ETV1: variants seen among roughly 807,000 people sequenced by gnomAD.
ETV1 encodes ETS variant transcription factor 1.
A neutral mutation model predicts 62.3 loss-of-function variants in ETV1; 27 were observed. The observed-to-expected ratio is 0.43, with a 90% CI of 0.32 to 0.60. The LOEUF (loss-of-function observed/expected upper bound fraction) is 0.60, where lower values mean the gene tolerates loss of function less well. ETV1 is among the 20% of genes least tolerant of loss of function. The pLI is 0.06. For missense variants in ETV1, 605 were observed against 605.8 expected, an observed-to-expected ratio of 1.00 and a Z score of 0.01; for synonymous variants, 222 against 199.6, an observed-to-expected ratio of 1.11 and a Z score of -0.94.
chr7:13,909,146 A>G (rs562209457), intron 11 of ETV1, among the ~76,000 whole-genome samples: 6 of 152,164 alleles, frequency 3.9e-5, no homozygotes, highest in South Asian at 4.2e-4. Context: ...TAAAAAAAAA[A>G]AAAAAAAGGG....
chr7:13,921,246 G>A lies in ETV1; in HGVS notation c.803-9939C>T, dbSNP rs527519038. ...AGGCCACGGTTTAGCCTTTGGAAGT[G>A]TTACATATCAAGCACAAAAGGCCAA... On this transcript the variant is annotated intron_variant, in intron 9 of 13. Coordinates refer to ENST00000430479, the MANE Select transcript of ETV1 (RefSeq NM_004956.5). 7.6e-4 allele frequency among the ~76,000 whole-genome samples: 116 copies of A among 152,246 alleles called. 1 individual carries two copies. The highest frequency in any genetic ancestry group is 2.7e-3 in the African/African-American group (111 of 41,558).
intron 6 of ETV1, among the ~76,000 whole-genome samples, chr7:13,970,039 G>A (rs1232261490): frequency 6.6e-6 from 1 of 151,900 alleles, no homozygotes; most frequent in East Asian, 2.0e-4. Context: ...GGAGAATCAC[G>A]AGGACAGGAG....
chr7:13,932,326 T>C (rs1056899467), intron 8 of ETV1, among the ~76,000 whole-genome samples: 1 of 152,160 alleles, frequency 6.6e-6, no homozygotes, highest in Non-Finnish European at 1.5e-5. Flanking sequence ...TGCGTTCTAG[T>C]AAGAAACAAA....
At chr7:13,925,834 G>A (rs1207643732) in intron 9 of ETV1, among the ~76,000 whole-genome samples, 2 of 151,868 alleles carry the variant, frequency 1.3e-5, no homozygotes, top group East Asian at 3.9e-4. Flanking sequence ...GGGATTACAG[G>A]CATGAGCCAC....
rs551930607 is a variant in ETV1, at chr7:13,971,824, A to G, written c.235+5603T>C. ...TGGTAGATTTTCAAAGATGAATGAT[A>G]TAACGGCCAGGCACAGTGGCTCACA... On this transcript the variant is annotated intron_variant, in intron 6 of 13. Transcript: ENST00000430479. 2.2e-4 allele frequency among the ~76,000 whole-genome samples: 33 copies of G among 152,324 alleles called. No homozygotes were observed. In the South Asian group the frequency reaches 5.8e-3, roughly 27 times the overall value.
chr7:13,897,907 AT>A (rs1782009923), intron 13 of ETV1, among the ~76,000 whole-genome samples: 1 of 152,150 alleles, frequency 6.6e-6, no homozygotes, highest in Non-Finnish European at 1.5e-5. Flanking sequence ...AGGAAGATAC[AT>A]TTGCTTTAAG....
intron 9 of ETV1, among the ~76,000 whole-genome samples, chr7:13,926,736 T>C (rs944827610): frequency 1.3e-5 from 2 of 152,260 alleles, no homozygotes; most frequent in African/African-American, 2.4e-5. Context: ...ATGGATTGGA[T>C]TGGATCTTTT....
At chr7:13,984,951 AT>A (rs1782399079) in intron 5 of ETV1, among the ~76,000 whole-genome samples, 1 of 151,606 alleles carries the variant, frequency 6.6e-6, no homozygotes, top group Non-Finnish European at 1.5e-5. Flanking sequence ...ACTGAAACTG[AT>A]TATAAAATGG....
intron 5 of ETV1, among the ~76,000 whole-genome samples, chr7:13,983,637 C>A (rs1376584900): frequency 7.3e-6 from 1 of 137,616 alleles, no homozygotes. Flanking sequence ...TTTTTTTTAA[C>A]TACTGTGGTT....
chr7:13,918,733 G>C (rs1784481487), intron 9 of ETV1, among the ~76,000 whole-genome samples: 1 of 151,502 alleles, frequency 6.6e-6, no homozygotes, highest in Non-Finnish European at 1.5e-5. Context: ...GTGGGGTGGG[G>C]GGACGGGGGA....
At chr7:13,988,781 T>C in intron 3 of ETV1, 4 of 1,607,464 alleles carry the variant, frequency 2.5e-6, no homozygotes, top group Non-Finnish European at 3.4e-6. Context: ...GGCACTTTAA[T>C]CAGAAAAAGG....
intron 5 of ETV1, among the ~76,000 whole-genome samples, chr7:13,982,568 C>G (rs554956823): frequency 6.6e-6 from 1 of 152,054 alleles, no homozygotes; most frequent in East Asian, 1.9e-4. Flanking sequence ...GTCTTTCTCT[C>G]ATATTTTAGA....
chr7:13,980,932 G>C (rs1413560084), intron 5 of ETV1, among the ~76,000 whole-genome samples: 1 of 149,868 alleles, frequency 6.7e-6, no homozygotes, highest in East Asian at 1.9e-4. Context: ...TTAGAGATGG[G>C]TAATTTTAAA....
chr7:13,906,287 A>T, intron 12 of ETV1, 143 bp downstream of exon 12: 1 of 545,962 alleles, frequency 1.8e-6, no homozygotes, highest in Non-Finnish European at 3.1e-6. Flanking sequence ...GACATGTTTT[A>T]TCTTTGCATG....
intron 6 of ETV1, among the ~76,000 whole-genome samples, chr7:13,968,701 T>C (rs1031872720): frequency 6.6e-6 from 1 of 152,008 alleles, no homozygotes; most frequent in African/African-American, 2.4e-5. Flanking sequence ...AAGTCAAGCA[T>C]GCATTCACCA....
At chr7:13,933,870 AAATG>A (rs1227704079) in intron 8 of ETV1, among the ~76,000 whole-genome samples, 2 of 152,186 alleles carry the variant, frequency 1.3e-5, no homozygotes, top group Non-Finnish European at 2.9e-5. Context: ...AGAGAAACTA[AAATG>A]AATTTGGCTA....
chr7:13,946,282 G>T (rs1327990713), intron 6 of ETV1, among the ~76,000 whole-genome samples: 1 of 152,086 alleles, frequency 6.6e-6, no homozygotes, highest in Non-Finnish European at 1.5e-5. Flanking sequence ...CAAATTTTTG[G>T]GAGGAAAGGC....
intron 5 of ETV1, among the ~76,000 whole-genome samples, chr7:13,985,684 A>G (rs561509107): frequency 1.2e-3 from 190 of 152,254 alleles, no homozygotes; most frequent in Non-Finnish European, 2.5e-3. Flanking sequence ...TATACACTCA[A>G]TGCTTAAATA....
intron 12 of ETV1, among the ~76,000 whole-genome samples, chr7:13,901,065 C>T (rs369174405): frequency 2.0e-5 from 3 of 149,394 alleles, no homozygotes; most frequent in Admixed American, 6.7e-5. Flanking sequence ...AGTGCAGTGG[C>T]GCGAACTTGG....
Sources: gnomAD v4.1 joint callset for allele counts (sites outside exome capture counted in the v4.1 genomes callset) on GRCh38, gnomAD v4.1.1 for gene constraint, MANE v1.5 for transcripts, NCBI Gene and HGNC (gene_info 2026-07-23, HGNC 2026-07-21) for gene names.